Variants in TLK2 observed in about 807,000 individuals in gnomAD.
TLK2 encodes the protein serine/threonine-protein kinase tousled-like 2.
A neutral mutation model predicts 117.3 loss-of-function variants in TLK2; 6 were observed. That is an observed-to-expected ratio of 0.05 (90% CI 0.03 to 0.10). The LOEUF is 0.10. Among genes scored for constraint, TLK2 ranks in the 10% least tolerant of loss-of-function variants. The pLI, the probability that TLK2 is intolerant of heterozygous loss-of-function variation, is 1.00. For synonymous variants in TLK2, 257 were observed against 316.7 expected (o/e 0.81, Z 2.00); for missense variants, 299 against 901.2 (o/e 0.33, Z 8.56).
At chr17:62,520,275 CAGA>C (rs950978230) in intron 2 of TLK2, among the ~76,000 whole-genome samples, 19 of 152,244 alleles carry the variant, frequency 1.2e-4, no homozygotes, top group Admixed American at 8.5e-4. Flanking sequence ...AGGGATTGAG[CAGA>C]AGAAGGGAGC....
Position 62,615,235 on chromosome 17 carries a change from T to C in TLK2, c.*2670T>C, listed in dbSNP as rs1412442199. 1 of 152,208 alleles carries C rather than the reference T, an allele frequency of 6.6e-6. No homozygotes were observed. Among genetic ancestry groups the C allele is most frequent in the Non-Finnish European group, 1.5e-5 (1 of 68,044 alleles). The allele number at this position is 152,208 out of a possible 1,614,324, so 9.4% of individuals were successfully genotyped here. ...CAAGCCCCAGAGAACATGCAGAACA[T>C]TGACCTTTCCATTGACTGTCTTTCA... On this transcript the variant is annotated 3_prime_UTR_variant, in exon 22 of 22. Transcript: ENST00000346027.
rs1030096057 is a variant in TLK2, at chr17:62,612,726, G to A, written c.*161G>A. The A allele has an allele frequency of 1.9e-4, 124 of 646,188 alleles. 1 individual carries two copies. The highest frequency in any genetic ancestry group is 1.8e-4 in the Non-Finnish European group (75 of 418,130). 40.0% of individuals were successfully genotyped at this position (646,188 alleles called of 1,614,324 possible). A position where few individuals can be genotyped will look rare whatever the true frequency, so the allele number is the denominator to read the frequency against. On this transcript the variant is annotated 3_prime_UTR_variant, in exon 22 of 22. Coordinates refer to ENST00000346027, the MANE Select transcript of TLK2 (RefSeq NM_006852.6). Reference sequence around the variant, plus strand: ...CCCATCCATAGAGCATGACAGCATCGATTCTCATTGAGGAGAAACCTTGGG... The same window carrying A: ...CCCATCCATAGAGCATGACAGCATCAATTCTCATTGAGGAGAAACCTTGGG...
At chr17:62,594,161 A>C (rs1308434558) in intron 16 of TLK2, among the ~76,000 whole-genome samples, 1 of 151,888 alleles carries the variant, frequency 6.6e-6, no homozygotes, top group African/African-American at 2.4e-5. Flanking sequence ...TAATCCCAGC[A>C]CTTTGGGAGG....
chr17:62,549,417 A>AAAAAGT (rs2078225926), intron 7 of TLK2, among the ~76,000 whole-genome samples: 1 of 32,600 alleles, frequency 3.1e-5, no homozygotes, highest in Non-Finnish European at 7.4e-5. Flanking sequence ...AAAAAAAAAA[A>AAAAAGT]AAAAAAAAAA....
At chr17:62,549,629 T>A (rs1426972485) in intron 7 of TLK2, 1 of 151,626 alleles carries the variant, frequency 6.6e-6, no homozygotes, top group Non-Finnish European at 1.5e-5. Flanking sequence ...TATTTGGAAT[T>A]ATATAGACTT....
At chr17:62,558,800 T>C (rs1394450575) in intron 9 of TLK2, among the ~76,000 whole-genome samples, 1 of 152,244 alleles carries the variant, frequency 6.6e-6, no homozygotes, top group African/African-American at 2.4e-5. Flanking sequence ...AAGCTGTTTC[T>C]CATGGGTTAC....
intron 2 of TLK2, among the ~76,000 whole-genome samples, chr17:62,508,168 G>GTTTTTTTTTT (rs34268998): frequency 4.0e-5 from 5 of 125,758 alleles, no homozygotes; most frequent in Non-Finnish European, 4.8e-5. Flanking sequence ...AAATTTCCTA[G>GTTTTTTTTTT]TTTTTTTTTT....
chr17:62,560,724 G>A lies in TLK2; in HGVS notation c.831+598G>A, dbSNP rs532698019. 3.3e-5 allele frequency among the ~76,000 whole-genome samples: 5 copies of A among 149,650 alleles called. No homozygotes were observed. In the South Asian group the frequency reaches 1.1e-3, roughly 32 times the overall value. On this transcript the variant is annotated intron_variant, in intron 10 of 21. Coordinates refer to ENST00000346027, the MANE Select transcript of TLK2 (RefSeq NM_006852.6). ...GCTGGAGTGCAGTGGCATGATCTCA[G>A]CACACTGTAGCCTTCGCCTCCCAGA...
intron 2 of TLK2, among the ~76,000 whole-genome samples, chr17:62,517,625 G>A (rs1320447505): frequency 4.6e-5 from 7 of 151,986 alleles, no homozygotes; most frequent in East Asian, 2.0e-4. Context: ...ATTGTGATCC[G>A]CCCGCCTCGG....
intron 2 of TLK2, among the ~76,000 whole-genome samples, chr17:62,517,950 G>A (rs1423338353): frequency 2.6e-5 from 4 of 152,014 alleles, no homozygotes; most frequent in South Asian, 2.1e-4. Flanking sequence ...CGCCTGTCTC[G>A]ACCTCCCAAA....
chr17:62,608,655 C>G (rs1299691304), intron 21 of TLK2, among the ~76,000 whole-genome samples: 1 of 152,140 alleles, frequency 6.6e-6, no homozygotes, highest in Non-Finnish European at 1.5e-5. Flanking sequence ...CTGGGGAGAC[C>G]TTAGGAAACT....
chr17:62,600,352 A>C (rs1485580207), intron 17 of TLK2: 6 of 224,836 alleles, frequency 2.7e-5, no homozygotes, highest in Non-Finnish European at 5.2e-5. Context: ...CCTAGCTTAA[A>C]TACATTATAG....
At chr17:62,476,199 C>T (rs1037230443), upstream of TLK2, among the ~76,000 whole-genome samples, 3 of 151,844 alleles carry the variant, frequency 2.0e-5, no homozygotes, top group Admixed American at 6.5e-5. Flanking sequence ...AGGCTGGTCT[C>T]GAACTGCTGG....
chr17:62,543,842 A>T (rs1163350023), intron 7 of TLK2, among the ~76,000 whole-genome samples: 1 of 152,166 alleles, frequency 6.6e-6, no homozygotes. Flanking sequence ...AGAAAAGTTC[A>T]ATTTATCTGT....
chr17:62,489,752 A>T (rs2072907155), intron 2 of TLK2, among the ~76,000 whole-genome samples: 2 of 152,174 alleles, frequency 1.3e-5, no homozygotes, highest in African/African-American at 4.8e-5. Flanking sequence ...TTGCATTATT[A>T]GTGTCTTTGT....
At chr17:62,589,899 T>A (rs2081945250) in intron 16 of TLK2, among the ~76,000 whole-genome samples, 1 of 151,760 alleles carries the variant, frequency 6.6e-6, no homozygotes, top group African/African-American at 2.4e-5. Flanking sequence ...CTCCGCCTCC[T>A]GGGTTCACGC....
At chr17:62,543,547 G>A (rs897072630) in intron 7 of TLK2, among the ~76,000 whole-genome samples, 13 of 152,094 alleles carry the variant, frequency 8.5e-5, no homozygotes, top group Non-Finnish European at 1.8e-4. Flanking sequence ...GTGTTAAGTG[G>A]CATCTCATTG....
chr17:62,600,492 C>T lies in TLK2; in HGVS notation c.1551-159C>T, dbSNP rs118078882. 4.2e-4 allele frequency: 257 copies of T among 605,092 alleles called. 3 individuals are homozygous for T. The East Asian group carries it at 4.8e-3, about 11-fold the overall frequency. The allele number at this position is 605,092 out of a possible 1,614,324, so 37.5% of individuals were successfully genotyped here. A position where few individuals can be genotyped will look rare whatever the true frequency, so the allele number is the denominator to read the frequency against. ...ATAAGCAGTTTCTTACCAGAAACCC[C>T]TCAGCTAATACTGAATAAACAATTG... On this transcript the variant is annotated intron_variant, in intron 17 of 21. Transcript: ENST00000346027.
Position 62,596,669 on chromosome 17 carries a change from T to C in TLK2, c.1545T>C (p.Thr515=), listed in dbSNP as rs56095309. ...VKLYDYFSLD[T]DSFCTVLEYC... is the part of the protein sequence containing the mutation. ...TGTATGATTACTTTTCACTGGATAC[T>C]GACTCGTAAGTGCTGTGCTGTTTTA... The change falls in exon 17 of 22, where the codon ACT becomes ACC. Residue 515 remains threonine, a synonymous_variant. Transcript: ENST00000346027. 6.5e-4 allele frequency: 1,045 copies of C among 1,613,662 alleles called. 15 individuals carry two copies. The East Asian group carries it at 0.019, about 29-fold the overall frequency.
Sources: allele counts gnomAD v4.1 joint callset (sites outside exome capture counted in the v4.1 genomes callset), GRCh38; gene constraint gnomAD v4.1.1; transcripts MANE v1.5; gene names NCBI Gene and HGNC (gene_info 2026-07-23, HGNC 2026-07-21).